The following CYRIA variants were observed in gnomAD, a reference collection of about 807,000 sequenced individuals.
CYRIA encodes the protein CYFIP related Rac1 interactor A.
CYRIA carries 15 observed loss-of-function variants against 43.9 expected under a neutral mutation model. The ratio of observed to expected loss-of-function variants is 0.34; its 90% confidence interval spans 0.23 to 0.53. The LOEUF (loss-of-function observed/expected upper bound fraction) is 0.53. Ranked by LOEUF, CYRIA falls within the 20% of genes least tolerant of loss-of-function variation. The pLI, the probability that CYRIA is intolerant of heterozygous loss-of-function variation, is 0.94. For missense variants in CYRIA, 236 were observed against 394.2 expected (o/e 0.60, Z 3.40); for synonymous variants, 117 against 136.0 (o/e 0.86, Z 0.97).
chr2:16,597,171 T>C (rs1668058012), intron 2 of CYRIA, among the ~76,000 whole-genome samples: 2 of 102,562 alleles, frequency 2.0e-5, no homozygotes, highest in Non-Finnish European at 3.7e-5. Context: ...AATTTTGGAA[T>C]AGGTGTGGTG....
chr2:16,551,896 T>A lies in CYRIA; in HGVS notation c.*1040A>T, dbSNP rs1382644210. On this transcript the variant is annotated 3_prime_UTR_variant, in exon 12 of 12. Transcript: ENST00000381323. ...CCAGGGCTTTTATATTGCAACAAGC[T>A]AGCAACGGGGTTGGGGAAGAGCTAC... is the stretch of plus-strand genomic sequence containing the variant. 1 of 152,074 alleles carries A rather than the reference T, an allele frequency of 6.6e-6. No individual in the cohort carries two copies. Among genetic ancestry groups the A allele is most frequent in the Non-Finnish European group, 1.5e-5 (1 of 67,992 alleles). 9.4% of individuals were successfully genotyped at this position (152,074 alleles called of 1,614,324 possible). A position where few individuals can be genotyped will look rare whatever the true frequency, so the allele number is the denominator to read the frequency against.
intron 1 of CYRIA, among the ~76,000 whole-genome samples, chr2:16,630,689 C>G (rs575758898): frequency 3.8e-4 from 58 of 152,288 alleles, no homozygotes; most frequent in Non-Finnish European, 7.1e-4. Context: ...TACACCAGGT[C>G]TCCTTTGAGT....
intron 2 of CYRIA, among the ~76,000 whole-genome samples, chr2:16,600,723 G>T (rs1668175988): frequency 6.6e-6 from 1 of 152,174 alleles, no homozygotes; most frequent in Non-Finnish European, 1.5e-5. Flanking sequence ...TGGAACATCA[G>T]CATTTTATTG....
intron 3 of CYRIA, among the ~76,000 whole-genome samples, chr2:16,581,330 T>C (rs1274518621): frequency 6.6e-6 from 1 of 152,020 alleles, no homozygotes; most frequent in African/African-American, 2.4e-5. Context: ...AACTATACAA[T>C]AAGCACATGA....
At chr2:16,626,270 G>A (rs1480066402) in intron 1 of CYRIA, among the ~76,000 whole-genome samples, 1 of 152,002 alleles carries the variant, frequency 6.6e-6, no homozygotes, top group Non-Finnish European at 1.5e-5. Flanking sequence ...CTACTCCAGC[G>A]GGCCCCCTGT....
At chr2:16,563,844 A>AGTT (rs1191692202) in intron 5 of CYRIA, 145 bp downstream of exon 5, 1 of 598,262 alleles carries the variant, frequency 1.7e-6, no homozygotes, top group Non-Finnish European at 2.9e-6. Flanking sequence ...AAATGACAAG[A>AGTT]GTTGTTGCTC....
intron 2 of CYRIA, among the ~76,000 whole-genome samples, chr2:16,604,082 G>T (rs774930180): frequency 6.6e-6 from 1 of 152,164 alleles, no homozygotes; most frequent in East Asian, 1.9e-4. Context: ...TCAGGCCAGC[G>T]CCTTCATCTG....
intron 2 of CYRIA, among the ~76,000 whole-genome samples, chr2:16,620,865 C>T (rs1668968991): frequency 6.6e-6 from 1 of 152,124 alleles, no homozygotes; most frequent in Admixed American, 6.5e-5. Context: ...TAACACCCTT[C>T]CCTGAAGCAT....
In CYRIA at chr2:16,653,639, C is replaced by T. The variant is rs116643450; in HGVS notation, c.-167+12141G>A. Among the ~76,000 whole-genome samples, 1,023 of 152,206 alleles carry T rather than the reference C, an allele frequency of 6.7e-3. 5 individuals carry two copies. The highest frequency in any genetic ancestry group is 0.024 in the African/African-American group (982 of 41,526). On this transcript the variant is annotated intron_variant, in intron 1 of 11. Coordinates refer to ENST00000381323, the MANE Select transcript of CYRIA (RefSeq NM_030797.4). ...GTGTGTTTGGTTTACTGCTGAATCC[C>T]CAGAAACAGACCCAGAGAAGTGCAC...
At chr2:16,610,831 T>C (rs1390984042) in intron 2 of CYRIA, among the ~76,000 whole-genome samples, 7 of 147,896 alleles carry the variant, frequency 4.7e-5, no homozygotes. Context: ...ATCCTCCCTC[T>C]ATCCATCACC....
At chr2:16,600,036 G>T (rs1227094746) in intron 2 of CYRIA, among the ~76,000 whole-genome samples, 1 of 152,172 alleles carries the variant, frequency 6.6e-6, no homozygotes, top group Admixed American at 6.5e-5. Flanking sequence ...GATTACAGGC[G>T]TGAGCCATCG....
At chr2:16,663,768 G>T (rs1028242719) in intron 1 of CYRIA, among the ~76,000 whole-genome samples, 2 of 152,062 alleles carry the variant, frequency 1.3e-5, no homozygotes, top group Non-Finnish European at 2.9e-5. Context: ...ACAGCTTCCT[G>T]GCAGCTCCCT....
chr2:16,618,105 T>C (rs921178990), intron 2 of CYRIA, among the ~76,000 whole-genome samples: 1 of 152,172 alleles, frequency 6.6e-6, no homozygotes, highest in Non-Finnish European at 1.5e-5. Context: ...GGCTATCAAG[T>C]CAGGCTTCCT....
intron 1 of CYRIA, among the ~76,000 whole-genome samples, chr2:16,651,079 T>C (rs561485995): frequency 6.6e-6 from 1 of 152,302 alleles, no homozygotes; most frequent in African/African-American, 2.4e-5. Flanking sequence ...CTGCAGCAGC[T>C]GATCTTTTTA....
rs527871270 is a variant in CYRIA at position 16,549,784 on chromosome 2, G to C, written c.*3152C>G. 6.6e-6 allele frequency: 1 copy of C among 152,120 alleles called. No individual in the cohort carries two copies. The highest frequency in any genetic ancestry group is 2.1e-4 in the South Asian group (1 of 4,818). 9.4% of individuals were successfully genotyped at this position (152,120 alleles called of 1,614,324 possible). ...AGATTGGGAGGCTTAATTTTTCTTT[G>C]GGGAAAACATGAAATTATTTTTACT... is the stretch of plus-strand genomic sequence containing the variant. On this transcript the variant is annotated 3_prime_UTR_variant, in exon 12 of 12. Coordinates refer to ENST00000381323, the MANE Select transcript of CYRIA (RefSeq NM_030797.4).
intron 1 of CYRIA, among the ~76,000 whole-genome samples, chr2:16,660,321 G>A (rs1225217056): frequency 6.6e-6 from 1 of 152,216 alleles, no homozygotes; most frequent in African/African-American, 2.4e-5. Flanking sequence ...TAGGTGGGCA[G>A]CCTTCCAGGA....
chr2:16,653,863 A>AT (rs1670034197), intron 1 of CYRIA, among the ~76,000 whole-genome samples: 1 of 152,168 alleles, frequency 6.6e-6, no homozygotes. Context: ...TCACATTACC[A>AT]TTTTCTCTTC....
Position 16,570,367 on chromosome 2 carries a change from C to T in CYRIA, c.71-4600G>A, listed in dbSNP as rs541726148. Among the ~76,000 whole-genome samples the T allele has an allele frequency of 1.1e-4, 16 of 152,238 alleles. No homozygotes were observed. The South Asian group carries it at 1.9e-3, about 18-fold the overall frequency. The stretch of plus-strand genomic sequence containing the variant: ...TCTCAAATCATCCATTATTGATCTA[C>T]GGCCTGAATGTCTCACCAGTGTGGT... On this transcript the variant is annotated intron_variant, in intron 3 of 11. Transcript: ENST00000381323.
chr2:16,562,210 C>T, intron 5 of CYRIA, 69 bp from the exon 6 acceptor site: 1 of 1,517,810 alleles, frequency 6.6e-7, no homozygotes, highest in East Asian at 2.3e-5. Context: ...AACACAATTC[C>T]CAGCCTCAGT....
Sources: allele counts gnomAD v4.1 joint callset (sites outside exome capture counted in the v4.1 genomes callset), GRCh38; gene constraint gnomAD v4.1.1; transcripts MANE v1.5; gene names NCBI Gene and HGNC (gene_info 2026-07-23, HGNC 2026-07-21).